The following EFHB variants were observed in gnomAD, a reference collection of about 807,000 sequenced individuals.
EFHB encodes EF-hand domain-containing family member B.
In EFHB, 91 loss-of-function variants were observed where a neutral mutation model predicts 87.2. That is an observed-to-expected ratio of 1.04 (90% confidence interval 0.88 to 1.24). EFHB has a LOEUF of 1.24. EFHB is among the 50% of genes most tolerant of loss of function. EFHB has a pLI of 0.00. For missense variants in EFHB, 1,084 were observed against 998.8 expected, an observed-to-expected ratio of 1.09 and a Z score of -1.15; for synonymous variants, 325 against 333.6, an observed-to-expected ratio of 0.97 and a Z score of 0.28.
Position 19,879,796 on chromosome 3 carries a change from C to A in EFHB, c.2337G>T (p.Glu779Asp). The change falls in exon 13 of 13, where the codon GAG (glutamate) becomes GAT (aspartate). Residue 779 changes from glutamate (E) to aspartate (D), a missense_variant. Physicochemically the swap from Glu to Asp is conservative, Grantham distance 45. Transcript: ENST00000295824. The part of the protein sequence containing the change: ...FKTRSKEEIA[E>D]ILCNIGVKLS... The stretch of plus-strand genomic sequence containing the variant: ...GTTTGACACCAATGTTACACAATAT[C>A]TCTGCAATCTAGAAAAAGGCATTTA... 6.3e-7 allele frequency: 1 copy of A among 1,582,894 alleles called. No homozygotes were observed. The highest frequency in any genetic ancestry group is 8.6e-7 in the Non-Finnish European group (1 of 1,168,630).
At chr3:19,939,440 A>C (rs566411678) in intron 1 of EFHB, among the ~76,000 whole-genome samples, 2 of 120,210 alleles carry the variant, frequency 1.7e-5, no homozygotes, top group Admixed American at 1.2e-4. Context: ...GCTGGAGTGC[A>C]GTGGCGCGAT....
At chr3:19,936,218 C>G (rs1265109621), upstream of EFHB, 5 of 884,240 alleles carry the variant, frequency 5.7e-6, no homozygotes, top group African/African-American at 1.7e-5. Flanking sequence ...AGCGTGGTGG[C>G]TCACATCTGT....
chr3:19,888,951 A>C (rs1559446742), intron 9 of EFHB, among the ~76,000 whole-genome samples: 1 of 152,204 alleles, frequency 6.6e-6, no homozygotes, highest in African/African-American at 2.4e-5. Context: ...ATGGCCCTTC[A>C]TTTCATTGCC....
At position 19,882,735 on chromosome 3, in the gene EFHB, G is replaced by T. The variant is rs749058446; in HGVS notation, c.2147-4C>A. Reference sequence around the variant, plus strand: ...GGAACACCACAAATGGGGTAACCTAGGTCATTGATGAGGGAAGAAAACAGA... The same window carrying T: ...GGAACACCACAAATGGGGTAACCTATGTCATTGATGAGGGAAGAAAACAGA... On this transcript the variant is annotated splice_polypyrimidine_tract_variant and splice_region_variant and intron_variant, in intron 11 of 12. Coordinates refer to ENST00000295824, the MANE Select transcript of EFHB (RefSeq NM_144715.4). 1.9e-6 allele frequency: 3 copies of T among 1,608,046 alleles called. No individual in the cohort carries two copies. Among genetic ancestry groups the T allele is most frequent in the Non-Finnish European group, 2.6e-6 (3 of 1,176,220 alleles).
intron 4 of EFHB, among the ~76,000 whole-genome samples, chr3:19,916,514 CA>C (rs1024782307): frequency 1.2e-4 from 17 of 146,528 alleles, no homozygotes; most frequent in African/African-American, 2.8e-4. Context: ...GACTCCGTCT[CA>C]AAAAAAAAAT....
Position 19,896,763 on chromosome 3 carries a change from G to A in EFHB, c.1649C>T (p.Ala550Val). 6.2e-7 allele frequency: 1 copy of A among 1,614,018 alleles called. No homozygotes were observed. The highest frequency in any genetic ancestry group is 8.5e-7 in the Non-Finnish European group (1 of 1,179,896). Residue 550 changes from alanine to valine, a missense_variant, in exon 9 of 13, where the codon GCA (alanine) becomes GTA (valine). Coordinates refer to ENST00000295824, the MANE Select transcript of EFHB (RefSeq NM_144715.4). ...AACTTTCTTCAGGTGATGCCGAACT[G>A]CTGCAATCAGGGCTCGCTGTCTATC... ...GKDRQRALIAAVRHHLKKVNY... is the reference protein window; with the variant it reads ...GKDRQRALIAVVRHHLKKVNY...
intron 5 of EFHB, among the ~76,000 whole-genome samples, chr3:19,908,589 AG>A (rs1559459674): frequency 0.016 from 1,967 of 123,480 alleles, 31 homozygotes; most frequent in African/African-American, 0.063. Context: ...AGAGAGAGAG[AG>A]AGAGAGAGAG....
At position 19,888,475 on chromosome 3, in the gene EFHB, A is replaced by G; in HGVS notation, c.1902T>C (p.Leu634=). 6.4e-7 allele frequency: 1 copy of G among 1,565,242 alleles called. No homozygotes were observed. The highest frequency in any genetic ancestry group is 1.2e-5 in the South Asian group (1 of 85,404). Residue 634 remains leucine (L), a synonymous_variant, in exon 10 of 13, where the codon CTT becomes CTC. Transcript: ENST00000295824. The stretch of plus-strand genomic sequence containing the variant: ...TAATGACCCTCTCTTCATACTCTTT[A>G]AGAAGCATTTTGTCTTTCCAGTTAA... The part of the protein sequence containing the change: ...NFLNWKDKML[L]KEYEERVIIK...
chr3:19,942,984 C>T, intron 1 of EFHB: 1 of 264,984 alleles, frequency 3.8e-6, no homozygotes, highest in Non-Finnish European at 7.4e-6. Flanking sequence ...TTTTTTATCT[C>T]TCCCTTGTAT....
chr3:19,919,928 G>C lies in EFHB; in HGVS notation c.901C>G (p.Pro301Ala). The change falls in exon 3 of 13, where the codon CCT (proline) becomes GCT (alanine). Residue 301 changes from proline (P) to alanine (A), a missense_variant. Coordinates refer to ENST00000295824, the MANE Select transcript of EFHB (RefSeq NM_144715.4). Reference protein sequence around the residue: ...AKKYFNFRYPPAGVERVFYGR... With the variant: ...AKKYFNFRYPAAGVERVFYGR... The stretch of plus-strand genomic sequence containing the variant: ...TAAAATACTCTTTCTACTCCAGCAG[G>C]TGGATATCTGAAGTTGAAATACTTT... 1 of 1,613,734 alleles carries C rather than the reference G, an allele frequency of 6.2e-7. No homozygotes were observed. The highest frequency in any genetic ancestry group is 1.1e-5 in the South Asian group (1 of 91,078).
chr3:19,946,559 G>A (rs1187904830), intron 1 of EFHB, among the ~76,000 whole-genome samples: 1 of 152,156 alleles, frequency 6.6e-6, no homozygotes, highest in Non-Finnish European at 1.5e-5. Flanking sequence ...ACTTCTTATT[G>A]TCAGGCGCCT....
intron 11 of EFHB, 82 bp downstream of exon 11, chr3:19,884,321 C>G (rs570902003): frequency 1.5e-6 from 2 of 1,319,204 alleles, no homozygotes; most frequent in Non-Finnish European, 2.1e-6. Flanking sequence ...CTTAATCTAA[C>G]GGAGAAAGGC....
intron 9 of EFHB, among the ~76,000 whole-genome samples, chr3:19,890,006 C>A (rs958630499): frequency 6.6e-6 from 1 of 152,092 alleles, no homozygotes; most frequent in African/African-American, 2.4e-5. Context: ...ACAAAAGTCT[C>A]TACTACAACC....
chr3:19,929,343 A>G (rs1695745297), intron 1 of EFHB, among the ~76,000 whole-genome samples: 1 of 152,048 alleles, frequency 6.6e-6, no homozygotes, highest in Non-Finnish European at 1.5e-5. Context: ...CTGGCTGACA[A>G]ACTATTTTAT....
chr3:19,941,338 G>C (rs1430345649), intron 1 of EFHB: 2 of 189,530 alleles, frequency 1.1e-5, no homozygotes, highest in Non-Finnish European at 2.2e-5. Context: ...CTCAATACTA[G>C]CCTGGCTGCT....
chr3:19,935,897 C>A (rs1696002626), upstream of EFHB, among the ~76,000 whole-genome samples: 1 of 151,162 alleles, frequency 6.6e-6, no homozygotes, highest in African/African-American at 2.4e-5. Context: ...GTAGTCCCAG[C>A]TACTTGGGAG....
intron 4 of EFHB, among the ~76,000 whole-genome samples, chr3:19,917,900 T>C (rs1695288634): frequency 6.6e-6 from 1 of 152,152 alleles, no homozygotes; most frequent in African/African-American, 2.4e-5. Flanking sequence ...CTGATGGAAA[T>C]GAAACACACA....
intron 1 of EFHB, among the ~76,000 whole-genome samples, chr3:19,939,370 C>CTTTTTTT (rs147510880): frequency 0.033 from 2,103 of 64,562 alleles, 430 homozygotes; most frequent in Non-Finnish European, 0.037. Flanking sequence ...GTTGGGTCTC[C>CTTTTTTT]TTTTTTTTTT....
intron 1 of EFHB, among the ~76,000 whole-genome samples, chr3:19,922,772 C>G (rs1695481712): frequency 6.6e-6 from 1 of 152,190 alleles, no homozygotes. Context: ...ATAACAGTAC[C>G]AACCTCATAG....
Sources: gnomAD v4.1 joint callset for allele counts (sites outside exome capture counted in the v4.1 genomes callset) on GRCh38, gnomAD v4.1.1 for gene constraint, MANE v1.5 for transcripts, NCBI Gene and HGNC (gene_info 2026-07-23, HGNC 2026-07-21) for gene names.